Variants in NLGN4X observed in about 807,000 individuals in gnomAD.
The protein encoded by NLGN4X is neuroligin 4 X-linked.
NLGN4X carries 3 observed loss-of-function variants against 40.3 expected under a neutral mutation model. The observed-to-expected ratio is 0.07, with a 90% CI of 0.03 to 0.19. NLGN4X has a LOEUF of 0.19. NLGN4X is among the 10% of genes least tolerant of loss of function. NLGN4X has a pLI of 1.00. For missense variants in NLGN4X, 382 were observed against 708.3 expected (o/e 0.54, Z 5.23); for synonymous variants, 270 against 306.8 (o/e 0.88, Z 1.25).
At chrX:5,912,429 T>G (rs181579339) in intron 3 of NLGN4X, among the ~76,000 whole-genome samples, 10 of 111,550 alleles carry the variant, frequency 9.0e-5, no homozygotes, top group African/African-American at 3.3e-4. Context: ...GAAGGCTGAT[T>G]TGAGTAACAA....
At chrX:5,956,173 A>T (rs993093943) in intron 3 of NLGN4X, among the ~76,000 whole-genome samples, 3 of 108,253 alleles carry the variant, frequency 2.8e-5, no homozygotes, top group Non-Finnish European at 5.7e-5. Context: ...AAATATATAT[A>T]TTTAATCTAT....
chrX:6,180,283 G>A (rs765412256), intron 1 of NLGN4X, among the ~76,000 whole-genome samples: 1 of 111,639 alleles, frequency 9.0e-6, no homozygotes, highest in East Asian at 2.8e-4. Context: ...CTGGTGGGAG[G>A]AGACTGGATG....
chrX:6,185,108 G>C (rs916732114), intron 1 of NLGN4X, among the ~76,000 whole-genome samples: 3 of 112,400 alleles, frequency 2.7e-5, no homozygotes, highest in African/African-American at 9.7e-5. Context: ...CCTGCACTGT[G>C]ATACATACTT....
At chrX:5,987,301 A>T (rs1454781543) in intron 3 of NLGN4X, among the ~76,000 whole-genome samples, 1 of 112,588 alleles carries the variant, frequency 8.9e-6, no homozygotes, top group African/African-American at 3.2e-5. Flanking sequence ...TGCCTTTATC[A>T]TTGGGAAAAT....
chrX:5,890,986 C>T lies in NLGN4X; in HGVS notation c.*1831G>A. 3.3e-6 allele frequency: 1 copy of T among 306,868 alleles called. No homozygotes were observed. The highest frequency in any genetic ancestry group is 6.2e-6 in the Non-Finnish European group (1 of 161,975). 25.3% of individuals were successfully genotyped at this position (306,868 alleles called of 1,213,427 possible). ...TCCACTTTAGCGGAGAGATTTAAGA[C>T]TGGATTTCTAGAATAACCCACAATG... On this transcript the variant is annotated 3_prime_UTR_variant, in exon 6 of 6. Transcript: ENST00000381095.
chrX:5,957,563 T>C (rs1395277895), intron 3 of NLGN4X, among the ~76,000 whole-genome samples: 1 of 112,314 alleles, frequency 8.9e-6, no homozygotes, highest in Non-Finnish European at 1.9e-5. Context: ...GAGCAGCCAT[T>C]GGTCACCCTC....
chrX:5,920,309 G>C (rs1484444579), intron 3 of NLGN4X, among the ~76,000 whole-genome samples: 1 of 112,393 alleles, frequency 8.9e-6, no homozygotes, highest in Non-Finnish European at 1.9e-5. Flanking sequence ...ACTTGAAAGA[G>C]AGAGTAAAAT....
chrX:6,028,643 A>G (rs1022600415), intron 3 of NLGN4X, among the ~76,000 whole-genome samples: 7 of 104,062 alleles, frequency 6.7e-5, no homozygotes, highest in Admixed American at 5.2e-4. Flanking sequence ...TGGGCGACAG[A>G]GTGAGATTCC....
chrX:6,027,166 C>T (rs1390695813), intron 3 of NLGN4X, among the ~76,000 whole-genome samples: 1 of 112,120 alleles, frequency 8.9e-6, no homozygotes, highest in Non-Finnish European at 1.9e-5. Context: ...TGAAGAGGGC[C>T]TGTGCAATGC....
chrX:6,111,343 T>C (rs1414401597), intron 2 of NLGN4X, among the ~76,000 whole-genome samples: 1 of 111,152 alleles, frequency 9.0e-6, no homozygotes, highest in Non-Finnish European at 1.9e-5. Flanking sequence ...TTCCAACATG[T>C]GAGGATAAAT....
In NLGN4X at chrX:6,183,279, G is replaced by T. The variant is rs549622796; in HGVS notation, c.-305-31508C>A. Among the ~76,000 whole-genome samples the T allele has an allele frequency of 2.0e-4, 23 of 112,548 alleles. No homozygotes were observed. The Middle Eastern group carries it at 0.014, about 67-fold the overall frequency. ...AAAATAAATACTGGCCGGGCACGGT[G>T]GCTCACGCCTCTAATCCCAGCACTT... is the stretch of plus-strand genomic sequence containing the variant. On this transcript the variant is annotated intron_variant, in intron 1 of 5. Coordinates refer to ENST00000381095, the MANE Select transcript of NLGN4X (RefSeq NM_181332.3).
At chrX:6,037,097 G>C in intron 2 of NLGN4X, among the ~76,000 whole-genome samples, 1 of 110,808 alleles carries the variant, frequency 9.0e-6, no homozygotes, top group East Asian at 2.8e-4. Context: ...CGGAGGTCAG[G>C]AGTTCTGGAA....
At chrX:5,992,522 G>T (rs1412022042) in intron 3 of NLGN4X, among the ~76,000 whole-genome samples, 1 of 111,507 alleles carries the variant, frequency 9.0e-6, no homozygotes, top group Non-Finnish European at 1.9e-5. Context: ...GGTGGCTTGA[G>T]CCTAGGAGTT....
chrX:6,151,849 A>C, intron 1 of NLGN4X, 78 bp from the exon 2 acceptor site: 1 of 241,883 alleles, frequency 4.1e-6, no homozygotes, highest in Non-Finnish European at 7.5e-6. Context: ...TCTTCCACGA[A>C]ATCCACAACA....
intron 2 of NLGN4X, among the ~76,000 whole-genome samples, chrX:6,076,732 T>C (rs2038206947): frequency 8.9e-6 from 1 of 112,387 alleles, no homozygotes; most frequent in Admixed American, 9.4e-5. Context: ...TGAATACATC[T>C]GGCATGCTCA....
At chrX:6,064,545 AGAATCTTTAGCTGAG>A (rs1307830442) in intron 2 of NLGN4X, among the ~76,000 whole-genome samples, 1 of 111,729 alleles carries the variant, frequency 9.0e-6, no homozygotes, top group African/African-American at 3.3e-5. Context: ...ATGGAGAGGG[AGAATCTTTAGCTGAG>A]GAATCTTTAG....
chrX:5,907,891 GAGAA>G (rs1244495046), intron 4 of NLGN4X, among the ~76,000 whole-genome samples: 2 of 106,395 alleles, frequency 1.9e-5, no homozygotes, highest in African/African-American at 6.9e-5. Context: ...GGGAGAGAGA[GAGAA>G]AGAAACAAAG....
intron 1 of NLGN4X, among the ~76,000 whole-genome samples, chrX:6,192,091 C>T (rs924360122): frequency 1.8e-5 from 2 of 111,154 alleles, no homozygotes; most frequent in Non-Finnish European, 3.8e-5. Context: ...ATTCCTTAGA[C>T]ATCACCAGGC....
At chrX:6,133,932 C>G (rs969927210) in intron 2 of NLGN4X, among the ~76,000 whole-genome samples, 9 of 111,610 alleles carry the variant, frequency 8.1e-5, no homozygotes, top group African/African-American at 2.9e-4. Flanking sequence ...TCAACTTCGT[C>G]TTTGTAGTGT....
Sources: allele counts gnomAD v4.1 joint callset (sites outside exome capture counted in the v4.1 genomes callset), GRCh38; gene constraint gnomAD v4.1.1; transcripts MANE v1.5; gene names NCBI Gene and HGNC (gene_info 2026-07-23, HGNC 2026-07-21).